Variants in CAMTA1 observed in about 807,000 individuals in gnomAD.
The protein encoded by CAMTA1 is calmodulin-binding transcription activator 1.
Under a neutral mutation model 170.9 loss-of-function variants are expected in CAMTA1, and 27 were observed. That is an observed-to-expected ratio of 0.16 (90% CI 0.12 to 0.22). The LOEUF is 0.22. CAMTA1 is among the 10% of genes least tolerant of loss of function. The pLI is 1.00. For synonymous variants in CAMTA1, 833 were observed against 891.5 expected (o/e 0.93, Z 1.17); for missense variants, 1,619 against 2,217.2 (o/e 0.73, Z 5.42).
intron 5 of CAMTA1, among the ~76,000 whole-genome samples, chr1:7,344,063 G>A (rs1346098062): frequency 6.6e-6 from 1 of 152,202 alleles, no homozygotes; most frequent in Admixed American, 6.5e-5. Flanking sequence ...ATCTACTGCT[G>A]TGAAACAAAC....
intron 7 of CAMTA1, 38 bp downstream of exon 7, chr1:7,640,591 GAACCAGGCTGGC>G (rs774201232): frequency 1.2e-6 from 2 of 1,613,164 alleles, no homozygotes; most frequent in Non-Finnish European, 1.7e-6. Context: ...CCCACGCTGG[GAACCAGGCTGGC>G]ATCAACCAGG....
intron 6 of CAMTA1, among the ~76,000 whole-genome samples, chr1:7,564,388 C>A (rs1402102153): frequency 6.6e-6 from 1 of 152,212 alleles, no homozygotes; most frequent in Non-Finnish European, 1.5e-5. Flanking sequence ...TTATAGTGAA[C>A]CCTGAAAATT....
chr1:7,141,859 G>A (rs868627924), intron 4 of CAMTA1, among the ~76,000 whole-genome samples: 23 of 152,270 alleles, frequency 1.5e-4, no homozygotes, highest in Middle Eastern at 6.8e-3. Context: ...GTCATCAGAC[G>A]GGAATGGAAC....
At chr1:7,177,255 A>G (rs1056114121) in intron 4 of CAMTA1, among the ~76,000 whole-genome samples, 3 of 150,962 alleles carry the variant, frequency 2.0e-5, no homozygotes, top group Non-Finnish European at 4.4e-5. Flanking sequence ...CCTCCCACAC[A>G]CTAAGTCCCC....
At chr1:7,232,288 G>C (rs60388189) in intron 4 of CAMTA1, among the ~76,000 whole-genome samples, 3,674 of 7,450 alleles carry the variant, frequency 0.49, 120 homozygotes, top group East Asian at 0.53. Context: ...TGCTGCACAC[G>C]GCTGCCCCGG....
chr1:7,727,121 A>ATTTTTTTTTT (rs71567310), intron 11 of CAMTA1, among the ~76,000 whole-genome samples: 1 of 130,358 alleles, frequency 7.7e-6, no homozygotes, highest in Non-Finnish European at 1.6e-5. Context: ...CCTTGTATTA[A>ATTTTTTTTTT]TTTTTTTTTT....
intron 20 of CAMTA1, among the ~76,000 whole-genome samples, chr1:7,751,835 C>T (rs1054305743): frequency 7.2e-5 from 11 of 151,968 alleles, no homozygotes; most frequent in African/African-American, 2.2e-4. Flanking sequence ...GAAAACTATT[C>T]TTGGAGTTAT....
At chr1:6,892,799 G>T (rs1288995976) in intron 3 of CAMTA1, among the ~76,000 whole-genome samples, 1 of 152,036 alleles carries the variant, frequency 6.6e-6, no homozygotes, top group Non-Finnish European at 1.5e-5. Flanking sequence ...TGTGCTGGTG[G>T]CTGTAGTGGC....
At chr1:7,078,089 A>G (rs978046850) in intron 3 of CAMTA1, among the ~76,000 whole-genome samples, 14 of 152,246 alleles carry the variant, frequency 9.2e-5, no homozygotes, top group Non-Finnish European at 4.4e-5. Context: ...CTACACAAAG[A>G]CCAAGTGGAT....
In CAMTA1 at chr1:6,794,283, A is replaced by G. The variant is rs529737019; in HGVS notation, c.45+8708A>G. ...AAAATGAAAACTTTGATGGAAGTTC[A>G]GCAGAATGGAATATTTAAAAAGATT... On this transcript the variant is annotated intron_variant, in intron 1 of 22. Transcript: ENST00000303635. Among the ~76,000 whole-genome samples, 8 of 152,352 alleles carry G rather than the reference A, an allele frequency of 5.3e-5. No individual in the cohort carries two copies. In the South Asian group the frequency reaches 1.0e-3, roughly 20 times the overall value.
chr1:7,236,622 A>G (rs1363631640), intron 4 of CAMTA1, among the ~76,000 whole-genome samples: 1 of 152,198 alleles, frequency 6.6e-6, no homozygotes, highest in Non-Finnish European at 1.5e-5. Context: ...CTGTAAAATG[A>G]AGATAGCAAT....
chr1:7,452,440 T>A (rs75002184), intron 5 of CAMTA1, among the ~76,000 whole-genome samples: 70 of 152,354 alleles, frequency 4.6e-4, no homozygotes, highest in African/African-American at 1.6e-3. Context: ...ACATTTACAG[T>A]GTTGTACCGT....
intron 4 of CAMTA1, among the ~76,000 whole-genome samples, chr1:7,227,034 T>C (rs1001939733): frequency 4.6e-5 from 7 of 151,404 alleles, no homozygotes; most frequent in Admixed American, 2.0e-4. Context: ...GGGGTTTCAC[T>C]GTGTTAGCCA....
intron 5 of CAMTA1, among the ~76,000 whole-genome samples, chr1:7,331,484 T>A (rs887323397): frequency 6.6e-6 from 1 of 152,204 alleles, no homozygotes; most frequent in Non-Finnish European, 1.5e-5. Flanking sequence ...GCATTAAAAC[T>A]GAGGAAAATT....
Position 7,455,337 on chromosome 1 carries a change from G to A in CAMTA1, c.439-12493G>A, listed in dbSNP as rs1041030024. Among the ~76,000 whole-genome samples the A allele has an allele frequency of 2.0e-5, 3 of 152,180 alleles. No homozygotes were observed. The highest frequency in any genetic ancestry group is 2.9e-5 in the Non-Finnish European group (2 of 68,036). ...GTTTTCGTGAACTTGAGAAAAAATC[G>A]GGAAAAGGCCGATTCCCTCTGCCCA... is the stretch of plus-strand genomic sequence containing the variant. On this transcript the variant is annotated intron_variant, in intron 5 of 22. Coordinates refer to ENST00000303635, the MANE Select transcript of CAMTA1 (RefSeq NM_015215.4). This position sits in a 1 kb window ranked among gnomAD's most constrained non-coding sequence, Gnocchi z 5.0.
At chr1:7,077,625 C>T (rs951592906) in intron 3 of CAMTA1, among the ~76,000 whole-genome samples, 3 of 151,818 alleles carry the variant, frequency 2.0e-5, no homozygotes, top group African/African-American at 7.3e-5. Context: ...CTGCTTGTAT[C>T]TTGGATGTGT....
At chr1:7,441,539 T>G (rs1160250252) in intron 5 of CAMTA1, 1 of 152,046 alleles carries the variant, frequency 6.6e-6, no homozygotes, top group South Asian at 2.1e-4. Flanking sequence ...GGTGCAGGGG[T>G]GGGCTGCGGG....
At position 7,270,244 on chromosome 1, in the gene CAMTA1, TAC is replaced by T. The variant is rs57280188; in HGVS notation, c.438+20648_438+20649del. 4.3e-3 allele frequency among the ~76,000 whole-genome samples: 547 copies of T among 127,144 alleles called. 8 individuals carry two copies. Among genetic ancestry groups the T allele is most frequent in the Admixed American group, 0.024 (298 of 12,234 alleles). The allele number at this position is 127,144 out of a possible 152,430, so 83.4% of individuals were successfully genotyped here. A position where few individuals can be genotyped will look rare whatever the true frequency, so the allele number is the denominator to read the frequency against. On this transcript the variant is annotated intron_variant, in intron 5 of 22. Coordinates refer to ENST00000303635, the MANE Select transcript of CAMTA1 (RefSeq NM_015215.4). ...ATACATATATATACACATATATACA[TAC>T]ACACACACACACACACACACACACA...
chr1:7,472,034 C>T (rs920715763), intron 6 of CAMTA1, among the ~76,000 whole-genome samples: 5 of 152,352 alleles, frequency 3.3e-5, no homozygotes, highest in African/African-American at 9.6e-5. Context: ...GACTGCTTTC[C>T]GTGCTCGAGT....
Sources: gnomAD v4.1 joint callset for allele counts (sites outside exome capture counted in the v4.1 genomes callset) on GRCh38, gnomAD v4.1.1 for gene constraint, Gnocchi (gnomAD v3.1) non-coding constraint, MANE v1.5 for transcripts, NCBI Gene and HGNC (gene_info 2026-07-23, HGNC 2026-07-21) for gene names.